The following SAMMSON variants were observed in gnomAD, a reference collection of about 807,000 sequenced individuals.
SAMMSON encodes survival associated mitochondrial melanoma specific oncogenic non-coding RNA.
intron 4 of SAMMSON, among the ~76,000 whole-genome samples, chr3:70,132,957 G>A (rs767561380): frequency 4.6e-5 from 7 of 152,080 alleles, no homozygotes; most frequent in Non-Finnish European, 8.8e-5. Context: ...AATGGTGTCT[G>A]TTAATGGTCT....
intron 3 of SAMMSON, among the ~76,000 whole-genome samples, chr3:70,050,301 C>T (rs541072842): frequency 2.0e-5 from 3 of 152,112 alleles, no homozygotes; most frequent in African/African-American, 4.8e-5. Flanking sequence ...TTCTGAAAAA[C>T]GCAATATAGT....
intron 4 of SAMMSON, among the ~76,000 whole-genome samples, chr3:70,165,079 C>T (rs1559526458): frequency 6.6e-6 from 1 of 151,934 alleles, no homozygotes; most frequent in Non-Finnish European, 1.5e-5. Flanking sequence ...AACTGGAGAG[C>T]CCCAAGAAAA....
intron 4 of SAMMSON, among the ~76,000 whole-genome samples, chr3:70,111,802 G>A (rs150898128): frequency 6.6e-6 from 1 of 152,230 alleles, no homozygotes; most frequent in African/African-American, 2.4e-5. Flanking sequence ...TCAATGGATA[G>A]GTCAAATAGC....
At chr3:70,420,727 G>T (rs1031391696) in intron 2 of SAMMSON, among the ~76,000 whole-genome samples, 3 of 152,158 alleles carry the variant, frequency 2.0e-5, no homozygotes, top group Admixed American at 6.5e-5. Context: ...ATTGTGGGAA[G>T]TTGGACAGAG....
intron 3 of SAMMSON, among the ~76,000 whole-genome samples, chr3:70,043,746 A>G (rs1423921197): frequency 6.6e-6 from 1 of 152,148 alleles, no homozygotes; most frequent in African/African-American, 2.4e-5. Context: ...TGGTTTTAAC[A>G]ATTAGATATT....
chr3:70,019,585 T>C (rs1188747745), intron 3 of SAMMSON, among the ~76,000 whole-genome samples: 2 of 152,214 alleles, frequency 1.3e-5, no homozygotes, highest in African/African-American at 4.8e-5. Context: ...CATTTACAGT[T>C]ACGGTTAATA....
chr3:70,375,228 T>C (rs1300483077), intron 9 of SAMMSON, among the ~76,000 whole-genome samples: 1 of 152,194 alleles, frequency 6.6e-6, no homozygotes, highest in Non-Finnish European at 1.5e-5. Context: ...GTGTCTCCCC[T>C]AAATTATTGC....
At chr3:70,420,308 C>G (rs1248113245) in intron 2 of SAMMSON, among the ~76,000 whole-genome samples, 1 of 152,076 alleles carries the variant, frequency 6.6e-6, no homozygotes, top group Non-Finnish European at 1.5e-5. Flanking sequence ...TCCAAACTCA[C>G]CACAAAGTCA....
chr3:70,233,286 C>G (rs979746915), intron 4 of SAMMSON, among the ~76,000 whole-genome samples: 6 of 151,854 alleles, frequency 4.0e-5, no homozygotes, highest in Non-Finnish European at 4.4e-5. Flanking sequence ...AGTGGGTGGC[C>G]CTGGTGATGT....
intron 4 of SAMMSON, among the ~76,000 whole-genome samples, chr3:70,149,724 C>T (rs1354962638): frequency 4.6e-5 from 7 of 151,986 alleles, no homozygotes; most frequent in Admixed American, 4.6e-4. Context: ...TATGTTGTCC[C>T]AAGCTGTCTT....
intron 9 of SAMMSON, among the ~76,000 whole-genome samples, chr3:70,383,383 C>CTTG (rs1703090598): frequency 6.7e-6 from 1 of 150,340 alleles, no homozygotes; most frequent in East Asian, 1.9e-4. Flanking sequence ...CTCCTTTTAG[C>CTTG]TAACAGGTAA....
intron 2 of SAMMSON, among the ~76,000 whole-genome samples, chr3:70,431,159 G>T (rs1701409794): frequency 1.3e-5 from 2 of 152,030 alleles, no homozygotes; most frequent in African/African-American, 2.4e-5. Flanking sequence ...CCTCAGAAAA[G>T]CTCAAAATGC....
chr3:70,075,560 C>G (rs1185034338), intron 4 of SAMMSON, among the ~76,000 whole-genome samples: 1 of 152,098 alleles, frequency 6.6e-6, no homozygotes, highest in African/African-American at 2.4e-5. Context: ...CTAAATTGCT[C>G]AGCTTGGCAC....
intron 6 of SAMMSON, among the ~76,000 whole-genome samples, chr3:70,277,527 C>T (rs1005998989): frequency 1.3e-5 from 2 of 152,060 alleles, no homozygotes; most frequent in African/African-American, 4.8e-5. Flanking sequence ...ACGAACAGAC[C>T]GCTTTTATTG....
At chr3:70,388,100 C>T (rs1700999418) in intron 9 of SAMMSON, among the ~76,000 whole-genome samples, 1 of 152,050 alleles carries the variant, frequency 6.6e-6, no homozygotes, top group Non-Finnish European at 1.5e-5. Context: ...AGTGGTTGTG[C>T]AAACCATTTG....
intron 4 of SAMMSON, among the ~76,000 whole-genome samples, chr3:70,231,849 C>T (rs1172558278): frequency 6.6e-6 from 1 of 152,156 alleles, no homozygotes; most frequent in Non-Finnish European, 1.5e-5. Flanking sequence ...CTGGAAGCTA[C>T]TAAACAGGCC....
At chr3:70,314,490 AG>A (rs1173943101) in intron 7 of SAMMSON, among the ~76,000 whole-genome samples, 1 of 152,160 alleles carries the variant, frequency 6.6e-6, no homozygotes, top group Non-Finnish European at 1.5e-5. Flanking sequence ...TTTACATATT[AG>A]TGGGGCCAGA....
chr3:70,001,309 T>C (rs1354343781), intron 1 of SAMMSON, among the ~76,000 whole-genome samples: 1 of 152,144 alleles, frequency 6.6e-6, no homozygotes. Context: ...CTTTATTCAC[T>C]CTGCCACTAT....
chr3:70,342,057 G>A (rs1213422091), intron 7 of SAMMSON, among the ~76,000 whole-genome samples: 1 of 152,096 alleles, frequency 6.6e-6, no homozygotes, highest in Non-Finnish European at 1.5e-5. Context: ...TTACTACAAG[G>A]AAAATGAGCA....
Sources: gnomAD v4.1 joint callset for allele counts (sites outside exome capture counted in the v4.1 genomes callset) on GRCh38, gnomAD v4.1.1 for gene constraint, MANE v1.5 for transcripts, NCBI Gene and HGNC (gene_info 2026-07-23, HGNC 2026-07-21) for gene names.